NIPAL2: variants seen among roughly 807,000 people sequenced by gnomAD.
NIPAL2 encodes NIPA-like protein 2.
NIPAL2 carries 43 observed loss-of-function variants against 48.9 expected under a neutral mutation model. That is an observed-to-expected ratio of 0.88 (90% CI 0.69 to 1.13). NIPAL2 has a LOEUF of 1.13. NIPAL2 is among the 50% of genes most tolerant of loss of function. The pLI, the probability that NIPAL2 is intolerant of heterozygous loss-of-function variation, is 0.00. For synonymous variants in NIPAL2, 167 were observed against 174.6 expected, an observed-to-expected ratio of 0.96 and a Z score of 0.34; for missense variants, 446 against 461.4, an observed-to-expected ratio of 0.97 and a Z score of 0.31.
intron 1 of NIPAL2, among the ~76,000 whole-genome samples, chr8:98,268,001 C>G (rs1050740992): frequency 1.3e-5 from 2 of 152,126 alleles, no homozygotes; most frequent in Non-Finnish European, 2.9e-5. Context: ...TTCTTCAGTC[C>G]GAGTCTAGTT....
At chr8:98,262,985 C>T (rs201038007) in intron 1 of NIPAL2, among the ~76,000 whole-genome samples, 35,496 of 144,070 alleles carry the variant, frequency 0.25, 4,838 homozygotes, top group Admixed American at 0.34. Flanking sequence ...CACTCAAAAC[C>T]GCTCAACTAC....
chr8:98,194,901 A>G, intron 9 of NIPAL2, 79 bp from the exon 10 acceptor site: 1 of 745,764 alleles, frequency 1.3e-6, no homozygotes, highest in Middle Eastern at 2.6e-4. Context: ...TCCATATTCT[A>G]CATGATGACA....
intron 1 of NIPAL2, among the ~76,000 whole-genome samples, chr8:98,275,492 T>C (rs1815407697): frequency 6.6e-6 from 1 of 152,332 alleles, no homozygotes; most frequent in Non-Finnish European, 1.5e-5. Context: ...GTTTGTTTAA[T>C]TATTCACTCA....
intron 1 of NIPAL2, among the ~76,000 whole-genome samples, chr8:98,268,106 G>T (rs1156994091): frequency 2.6e-5 from 4 of 152,154 alleles, no homozygotes; most frequent in Admixed American, 6.5e-5. Flanking sequence ...AAACAAGTGG[G>T]CAGAGATAAT....
intron 1 of NIPAL2, among the ~76,000 whole-genome samples, chr8:98,274,555 C>G (rs1451829472): frequency 6.6e-6 from 1 of 151,904 alleles, no homozygotes; most frequent in Admixed American, 6.6e-5. Flanking sequence ...ACTCTTTAAT[C>G]TCAATAATGT....
At chr8:98,215,510 C>G (rs1171660912) in intron 5 of NIPAL2, among the ~76,000 whole-genome samples, 3 of 152,110 alleles carry the variant, frequency 2.0e-5, no homozygotes, top group Non-Finnish European at 2.9e-5. Context: ...TCCCCCATAC[C>G]CTGTGCACTG....
chr8:98,233,708 T>C (rs1006277975), intron 4 of NIPAL2, among the ~76,000 whole-genome samples: 8 of 152,250 alleles, frequency 5.3e-5, no homozygotes, highest in Non-Finnish European at 7.3e-5. Context: ...TCTAAGTATA[T>C]AAGAAAATAA....
intron 6 of NIPAL2, among the ~76,000 whole-genome samples, chr8:98,206,161 G>T (rs753196466): frequency 6.6e-6 from 1 of 151,992 alleles, no homozygotes; most frequent in Non-Finnish European, 1.5e-5. Context: ...CTCACTGAAA[G>T]TTCAAAAATA....
rs561532742 is a variant in NIPAL2 at position 98,271,896 on chromosome 8, T to G, written c.136-17809A>C. Among the ~76,000 whole-genome samples the G allele has an allele frequency of 3.2e-3, 488 of 152,010 alleles. 1 individual carries two copies. Among genetic ancestry groups the G allele is most frequent in the African/African-American group, 0.011 (455 of 41,526 alleles). ...TAGTTTGTTGAGAGTTTTTTTTTTT[T>G]GTCATGAAATGATGTTAAATTTTAT... On this transcript the variant is annotated intron_variant, in intron 1 of 10. Transcript: ENST00000430223.
intron 4 of NIPAL2, among the ~76,000 whole-genome samples, chr8:98,227,859 C>G (rs1029859479): frequency 6.6e-6 from 1 of 152,178 alleles, no homozygotes; most frequent in African/African-American, 2.4e-5. Context: ...CCTAGAGAGC[C>G]TTTCAAGTTT....
intron 1 of NIPAL2, among the ~76,000 whole-genome samples, chr8:98,281,964 G>A (rs902937388): frequency 1.3e-5 from 2 of 152,220 alleles, no homozygotes; most frequent in Non-Finnish European, 2.9e-5. Context: ...CCACCTGGGT[G>A]AGCCAGGACA....
chr8:98,251,430 T>C (rs1454669753), intron 3 of NIPAL2, among the ~76,000 whole-genome samples: 6 of 152,210 alleles, frequency 3.9e-5, no homozygotes, highest in African/African-American at 1.2e-4. Context: ...TCTATTGGAA[T>C]GTTAAAAACA....
At chr8:98,273,343 G>A (rs1677533820) in intron 1 of NIPAL2, among the ~76,000 whole-genome samples, 2 of 152,108 alleles carry the variant, frequency 1.3e-5, no homozygotes, top group South Asian at 4.1e-4. Flanking sequence ...TAAATCAGGG[G>A]TTTTCTTAGG....
chr8:98,240,791 G>A (rs1047839246), intron 3 of NIPAL2, among the ~76,000 whole-genome samples: 2 of 152,194 alleles, frequency 1.3e-5, no homozygotes, highest in African/African-American at 4.8e-5. Flanking sequence ...AAAGAAGAAG[G>A]TCCTGTTGAA....
chr8:98,274,979 C>A (rs183097697), intron 1 of NIPAL2, among the ~76,000 whole-genome samples: 49 of 152,006 alleles, frequency 3.2e-4, no homozygotes, highest in African/African-American at 1.1e-3. Context: ...TTTTTTTAAA[C>A]CTTTAATTTT....
At chr8:98,237,076 T>C (rs2130792806) in intron 3 of NIPAL2, among the ~76,000 whole-genome samples, 1 of 152,132 alleles carries the variant, frequency 6.6e-6, no homozygotes, top group East Asian at 1.9e-4. Flanking sequence ...TTTTCTTTTT[T>C]TTGAGACAGG....
At chr8:98,271,172 T>C (rs1815101229) in intron 1 of NIPAL2, among the ~76,000 whole-genome samples, 1 of 152,286 alleles carries the variant, frequency 6.6e-6, no homozygotes, top group South Asian at 2.1e-4. Flanking sequence ...TTGCTTTGGC[T>C]ATTCAGGCTC....
At chr8:98,278,051 T>C in intron 1 of NIPAL2, among the ~76,000 whole-genome samples, 1 of 152,178 alleles carries the variant, frequency 6.6e-6, no homozygotes, top group East Asian at 1.9e-4. Context: ...TCCTCTTGAG[T>C]AGAGAAGTAT....
chr8:98,264,821 A>C (rs1055253740), intron 1 of NIPAL2, among the ~76,000 whole-genome samples: 4 of 152,220 alleles, frequency 2.6e-5, no homozygotes, highest in Admixed American at 2.0e-4. Flanking sequence ...CTGCATTGCC[A>C]AGTCAATCCT....
Sources: allele counts gnomAD v4.1 joint callset (sites outside exome capture counted in the v4.1 genomes callset), GRCh38; gene constraint gnomAD v4.1.1; transcripts MANE v1.5; gene names NCBI Gene and HGNC (gene_info 2026-07-23, HGNC 2026-07-21).